The following SNTG1 variants were observed in gnomAD, a reference collection of about 807,000 sequenced individuals.
The protein encoded by SNTG1 is gamma-1-syntrophin.
In SNTG1, 39 loss-of-function variants were observed where a neutral mutation model predicts 74.7. That is an observed-to-expected ratio of 0.52 (90% CI 0.40 to 0.68). The LOEUF is 0.68. Ranked by LOEUF, SNTG1 falls within the 30% of genes least tolerant of loss-of-function variation. SNTG1 has a pLI of 0.00. For synonymous variants in SNTG1, 254 were observed against 217.1 expected, an observed-to-expected ratio of 1.17 and a Z score of -1.49; for missense variants, 685 against 609.5, an observed-to-expected ratio of 1.12 and a Z score of -1.30.
At chr8:50,761,601 C>CCATT (rs1554628873) in intron 18 of SNTG1, among the ~76,000 whole-genome samples, 1 of 122,042 alleles carries the variant, frequency 8.2e-6, no homozygotes, top group African/African-American at 3.7e-5. Context: ...AGTGCCTGAG[C>CCATT]TATTTTTTTT....
chr8:50,508,914 CTTTAG>C (rs574605602), intron 9 of SNTG1, among the ~76,000 whole-genome samples: 1 of 152,138 alleles, frequency 6.6e-6, no homozygotes, highest in Non-Finnish European at 1.5e-5. Flanking sequence ...TGCAGAAGCT[CTTTAG>C]TTTAATTAGA....
chr8:50,712,311 T>G (rs1450904092), intron 17 of SNTG1, among the ~76,000 whole-genome samples: 1 of 152,100 alleles, frequency 6.6e-6, no homozygotes, highest in Non-Finnish European at 1.5e-5. Context: ...AAAGGTCCAG[T>G]TAAGAAATTG....
intron 2 of SNTG1, among the ~76,000 whole-genome samples, chr8:50,387,572 T>C (rs1477451071): frequency 3.9e-5 from 6 of 152,180 alleles, no homozygotes; most frequent in African/African-American, 1.4e-4. Flanking sequence ...CAAATTTACA[T>C]CCAGAATTTA....
intron 2 of SNTG1, among the ~76,000 whole-genome samples, chr8:50,344,350 A>G (rs1166611908): frequency 6.6e-6 from 1 of 152,186 alleles, no homozygotes; most frequent in Non-Finnish European, 1.5e-5. Context: ...AGGCTCATAG[A>G]AGATAGCTTG....
At chr8:50,041,176 G>T (rs751299278) in intron 1 of SNTG1, among the ~76,000 whole-genome samples, 7 of 152,076 alleles carry the variant, frequency 4.6e-5, no homozygotes, top group Non-Finnish European at 8.8e-5. Context: ...GATTACAGGC[G>T]TGAGCCACCA....
At position 50,747,212 on chromosome 8, in the gene SNTG1, T is replaced by C. The variant is rs552007739; in HGVS notation, c.1285-4789T>C. 1.9e-3 allele frequency among the ~76,000 whole-genome samples: 282 copies of C among 152,032 alleles called. 4 individuals carry two copies. Among genetic ancestry groups the C allele is most frequent in the Middle Eastern group, 3.4e-3 (1 of 294 alleles). ...ATAATGCACTGTAGGCCTATATAAA[T>C]TGAAAAATTGTCTCCTGAAAGGGGG... is the stretch of plus-strand genomic sequence containing the variant. On this transcript the variant is annotated intron_variant, in intron 17 of 18. Coordinates refer to ENST00000642720, the MANE Select transcript of SNTG1 (RefSeq NM_018967.5).
At chr8:50,304,033 T>A (rs1486441063) in intron 2 of SNTG1, among the ~76,000 whole-genome samples, 2 of 152,174 alleles carry the variant, frequency 1.3e-5, no homozygotes, top group African/African-American at 2.4e-5. Flanking sequence ...TGTTTCAATG[T>A]CCACTCCAAA....
chr8:50,706,444 C>T (rs73571214), intron 16 of SNTG1, among the ~76,000 whole-genome samples: 4,493 of 152,156 alleles, frequency 0.03, 191 homozygotes, highest in African/African-American at 0.095. Context: ...TAGTCCACTT[C>T]GCTTGGAAAC....
At position 50,231,168 on chromosome 8, in the gene SNTG1, A is replaced by G. The variant is rs1232268041; in HGVS notation, c.-28+58533A>G. 2.0e-5 allele frequency among the ~76,000 whole-genome samples: 3 copies of G among 151,542 alleles called. 1 individual carries two copies. The highest frequency in any genetic ancestry group is 7.2e-5 in the African/African-American group (3 of 41,502). On this transcript the variant is annotated intron_variant, in intron 2 of 18. Transcript: ENST00000642720. ...ACTAACCACTGGGGAGATGCAAACT[A>G]AAACCACTATGAGATATGGCCTTAT... is the stretch of plus-strand genomic sequence containing the variant.
At chr8:50,738,861 C>A (rs201241989) in intron 17 of SNTG1, among the ~76,000 whole-genome samples, 1 of 151,390 alleles carries the variant, frequency 6.6e-6, no homozygotes, top group Non-Finnish European at 1.5e-5. Flanking sequence ...GCTAGCCATA[C>A]GCAGAAAACT....
In SNTG1 at chr8:50,121,507, T is replaced by C. The variant is rs1485029213; in HGVS notation, c.-102-51054T>C. Among the ~76,000 whole-genome samples, 2 of 142,210 alleles carry C rather than the reference T, an allele frequency of 1.4e-5. 1 individual carries two copies. Among genetic ancestry groups the C allele is most frequent in the African/African-American group, 5.1e-5 (2 of 39,238 alleles). The allele number at this position is 142,210 out of a possible 152,430, so 93.3% of individuals were successfully genotyped here. A position where few individuals can be genotyped will look rare whatever the true frequency, so the allele number is the denominator to read the frequency against. ...CTAGAAAAAAAATGTTGATGTGCTTTGGAAGATTATAGAGTCTGTTAGGTG... is the reference window on the plus strand; with the variant it reads ...CTAGAAAAAAAATGTTGATGTGCTTCGGAAGATTATAGAGTCTGTTAGGTG... On this transcript the variant is annotated intron_variant, in intron 1 of 18. Transcript: ENST00000642720.
At chr8:50,374,010 T>A (rs144423713) in intron 2 of SNTG1, among the ~76,000 whole-genome samples, 33 of 152,336 alleles carry the variant, frequency 2.2e-4, no homozygotes, top group African/African-American at 7.9e-4. Flanking sequence ...TTTTATGGAT[T>A]TAAATTTATC....
rs184985135 is a variant in SNTG1, at chr8:50,689,738, G to T, written c.1039-14862G>T. On this transcript the variant is annotated intron_variant, in intron 15 of 18. Transcript: ENST00000642720. Reference sequence around the variant, plus strand: ...TTTCGTTGTGTCTCTGCCAGGCTTTGGTATCAGGATGATGCTGGCCTCATA... The same window carrying T: ...TTTCGTTGTGTCTCTGCCAGGCTTTTGTATCAGGATGATGCTGGCCTCATA... Among the ~76,000 whole-genome samples, 337 of 152,240 alleles carry T rather than the reference G, an allele frequency of 2.2e-3. 2 individuals are homozygous for T. Among genetic ancestry groups the T allele is most frequent in the African/African-American group, 7.6e-3 (316 of 41,538 alleles).
chr8:50,403,144 A>G (rs2092827803), intron 4 of SNTG1, among the ~76,000 whole-genome samples: 1 of 152,230 alleles, frequency 6.6e-6, no homozygotes, highest in African/African-American at 2.4e-5. Flanking sequence ...TACAGACAGT[A>G]GCATGTAGTC....
chr8:50,578,250 A>C (rs762644517), intron 12 of SNTG1, among the ~76,000 whole-genome samples: 1 of 152,220 alleles, frequency 6.6e-6, no homozygotes, highest in Non-Finnish European at 1.5e-5. Context: ...AAAAGCTTTC[A>C]TGGCAGATAT....
intron 17 of SNTG1, among the ~76,000 whole-genome samples, chr8:50,734,393 T>C (rs1025355244): frequency 4.6e-5 from 7 of 151,798 alleles, no homozygotes; most frequent in Admixed American, 3.3e-4. Flanking sequence ...TTCATAAATA[T>C]CTGTTGAATA....
chr8:49,957,403 A>G (rs545541578), intron 1 of SNTG1, among the ~76,000 whole-genome samples: 118 of 152,310 alleles, frequency 7.7e-4, no homozygotes, highest in Admixed American at 3.4e-3. Flanking sequence ...GTTGTTGTTT[A>G]TCTTTATGTT....
At chr8:50,605,544 C>T (rs951656188) in intron 13 of SNTG1, among the ~76,000 whole-genome samples, 3 of 151,878 alleles carry the variant, frequency 2.0e-5, no homozygotes, top group Admixed American at 6.6e-5. Flanking sequence ...ATGGCAAGCC[C>T]GCCAGTCGCT....
chr8:50,369,635 G>A (rs2092218717), intron 2 of SNTG1, among the ~76,000 whole-genome samples: 1 of 151,592 alleles, frequency 6.6e-6, no homozygotes, highest in Non-Finnish European at 1.5e-5. Context: ...AGAAACCAGA[G>A]CTAGCTCATT....
Sources: allele counts gnomAD v4.1 joint callset (sites outside exome capture counted in the v4.1 genomes callset), GRCh38; gene constraint gnomAD v4.1.1; transcripts MANE v1.5; gene names NCBI Gene and HGNC (gene_info 2026-07-23, HGNC 2026-07-21).